Variants in BCAR1 observed in about 807,000 individuals in gnomAD.
BCAR1 encodes BCAR1 scaffold protein, Cas family member.
A neutral mutation model predicts 67.6 loss-of-function variants in BCAR1; 30 were observed. That is an observed-to-expected ratio of 0.44 (90% CI 0.33 to 0.60). The LOEUF is 0.60. BCAR1 is among the 20% of genes least tolerant of loss of function. BCAR1 has a pLI of 0.02. For synonymous variants in BCAR1, 626 were observed against 556.7 expected (o/e 1.12, Z -1.75); for missense variants, 1,313 against 1,222.3 (o/e 1.07, Z -1.11).
chr16:75,267,926 G>A, exon 1 of BCAR1: 5 of 1,602,676 alleles, frequency 3.1e-6, no homozygotes, highest in Non-Finnish European at 4.3e-6. Context: ...CTGAGGCAGG[G>A]ATCCTTGGGT....
At chr16:75,250,864 G>C in intron 1 of BCAR1, 1 of 985,492 alleles carries the variant, frequency 1.0e-6, no homozygotes, top group Non-Finnish European at 1.2e-6. Context: ...CGCTCGGCGT[G>C]CGGGGCTGCA....
intron 1 of BCAR1, among the ~76,000 whole-genome samples, chr16:75,257,311 C>T (rs193299985): frequency 2.6e-4 from 39 of 152,300 alleles, no homozygotes; most frequent in African/African-American, 9.4e-4. Context: ...GGCCCACACT[C>T]ACAGATACCC....
intron 6 of BCAR1, among the ~76,000 whole-genome samples, chr16:75,233,327 C>A (rs1045129214): frequency 6.6e-6 from 1 of 151,738 alleles, no homozygotes; most frequent in South Asian, 2.1e-4. Flanking sequence ...GAGTTGAGAT[C>A]GCATCACTGT....
At chr16:75,266,796 TG>T in intron 1 of BCAR1, 1 of 1,434,762 alleles carries the variant, frequency 7.0e-7, no homozygotes, top group Non-Finnish European at 9.3e-7. Context: ...CAAGTGGGGC[TG>T]GGGTCCAGAG....
chr16:75,251,575 C>CG lies in BCAR1; in HGVS notation c.-94dup, dbSNP rs2077681006. 1 of 1,078,210 alleles carries CG rather than the reference C, an allele frequency of 9.3e-7. No individual in the cohort carries two copies. Among genetic ancestry groups the CG allele is most frequent in the African/African-American group, 1.7e-5 (1 of 59,200 alleles). The allele number at this position is 1,078,210 out of a possible 1,614,324, so 66.8% of individuals were successfully genotyped here. On this transcript the variant is annotated 5_prime_UTR_variant, in exon 1 of 7. Coordinates refer to ENST00000162330, the MANE Select transcript of BCAR1 (RefSeq NM_014567.5). ...CTCGGGGCTCCGAGCGCGCCGCAGC[C>CG]GCCCCGGTGCCGCCGCGCAGCTGCC...
In BCAR1 at chr16:75,235,461, G is replaced by A. The variant is rs755023555; in HGVS notation, c.1438C>T (p.Leu480=). The A allele has an allele frequency of 6.2e-7, 1 of 1,606,852 alleles. No homozygotes were observed. Among genetic ancestry groups the A allele is most frequent in the Non-Finnish European group, 8.5e-7 (1 of 1,178,066 alleles). Residue 480 remains leucine (L), a synonymous_variant, in exon 5 of 7, where the codon CTG becomes TTG. Transcript: ENST00000162330. ...CCAGTCGCACCGGCGCTGCCTGCCA[G>A]GTCCAGAAGGTGGGCAACGGTGGCG... is the stretch of plus-strand genomic sequence containing the variant. ...VSATVAHLLD[L]AGSAGATGSW... is the part of the protein sequence containing the mutation.
intron 6 of BCAR1, among the ~76,000 whole-genome samples, chr16:75,233,022 G>A (rs2076954555): frequency 6.6e-6 from 1 of 152,038 alleles, no homozygotes; most frequent in Non-Finnish European, 1.5e-5. Flanking sequence ...CTGAAGAACT[G>A]ATTCAAAATA....
chr16:75,230,011 C>A lies in BCAR1; in HGVS notation c.2113G>T (p.Glu705Ter). ...CGTGACACCTCCTGTTCCAGTCGTT[C>A]AAACTGCTTCAGCTGGGGCAGGAGG... is the stretch of plus-strand genomic sequence containing the variant. ...QLELQQLKQF[E>*]RLEQEVSRPI... is the part of the protein sequence containing the mutation. Residue 705 changes from glutamate (E) to a stop codon, truncating the protein, a stop_gained, in exon 7 of 7, where the codon GAA becomes TAA. Transcript: ENST00000162330. LOFTEE classifies it high-confidence loss of function. 1 of 1,535,610 alleles carries A rather than the reference C, an allele frequency of 6.5e-7. No homozygotes were observed. Among genetic ancestry groups the A allele is most frequent in the South Asian group, 1.3e-5 (1 of 78,340 alleles).
Position 75,251,577 on chromosome 16 carries a change from C to T in BCAR1, c.-95G>A, listed in dbSNP as rs1314744937. On this transcript the variant is annotated 5_prime_UTR_variant, in exon 1 of 7. Coordinates refer to ENST00000162330, the MANE Select transcript of BCAR1 (RefSeq NM_014567.5). The stretch of plus-strand genomic sequence containing the variant: ...CGGGGCTCCGAGCGCGCCGCAGCCG[C>T]CCCGGTGCCGCCGCGCAGCTGCCGC... 1.9e-6 allele frequency: 2 copies of T among 1,072,828 alleles called. No individual in the cohort carries two copies. The highest frequency in any genetic ancestry group is 2.3e-6 in the Non-Finnish European group (2 of 888,166). 66.5% of individuals were successfully genotyped at this position (1,072,828 alleles called of 1,614,324 possible). A position where few individuals can be genotyped will look rare whatever the true frequency, so the allele number is the denominator to read the frequency against.
At chr16:75,239,441 T>C (rs1054352013) in intron 2 of BCAR1, among the ~76,000 whole-genome samples, 2 of 152,060 alleles carry the variant, frequency 1.3e-5, no homozygotes, top group Non-Finnish European at 2.9e-5. Context: ...CTATCAGGCA[T>C]CAAGCGGGGG....
upstream of BCAR1, among the ~76,000 whole-genome samples, chr16:75,255,364 C>T (rs915064693): frequency 1.3e-5 from 2 of 152,094 alleles, no homozygotes; most frequent in African/African-American, 4.8e-5. Context: ...CAGGAAGAAA[C>T]GGTATCTCTG....
intron 1 of BCAR1, chr16:75,264,293 C>T (rs937254466): frequency 2.8e-6 from 4 of 1,408,114 alleles, no homozygotes; most frequent in Middle Eastern, 2.2e-4. Context: ...CATAGAGGCC[C>T]GCCCAGGCTG....
chr16:75,245,226 C>T (rs925627979), intron 1 of BCAR1, among the ~76,000 whole-genome samples: 3 of 152,198 alleles, frequency 2.0e-5, no homozygotes, highest in Non-Finnish European at 2.9e-5. Context: ...CCATCGGGGG[C>T]GGGCCACCCT....
chr16:75,235,316 T>A lies in BCAR1; in HGVS notation c.1583A>T (p.Asn528Ile). 6.2e-7 allele frequency: 1 copy of A among 1,603,680 alleles called. No individual in the cohort carries two copies. The highest frequency in any genetic ancestry group is 8.5e-7 in the Non-Finnish European group (1 of 1,173,050). Residue 528 changes from asparagine (N) to isoleucine (I), a missense_variant, in exon 5 of 7, where the codon AAT becomes ATT. Asn to Ile is a moderately radical substitution (Grantham distance 149, BLOSUM62 -3). Transcript: ENST00000162330. ...LLEFARSAVG[N>I]AAHTSDRALH... ...GGCACGGTCAGATGTGTGGGCAGCA[T>A]TGCCCACCGCGCTGCGGGCAAACTC...
At chr16:75,262,048 G>A (rs542633305) in intron 1 of BCAR1, among the ~76,000 whole-genome samples, 4 of 152,318 alleles carry the variant, frequency 2.6e-5, no homozygotes, top group African/African-American at 9.6e-5. Flanking sequence ...GGCTCAGGGA[G>A]GTTCAGTAAC....
upstream of BCAR1, chr16:75,251,676 A>C (rs914290371): frequency 6.0e-6 from 6 of 995,248 alleles, no homozygotes; most frequent in Non-Finnish European, 7.2e-6. Context: ...CGATCCCAGC[A>C]TGCCCGGCCG....
At chr16:75,248,286 C>G (rs2077579691) in intron 1 of BCAR1, 2 of 1,428,570 alleles carry the variant, frequency 1.4e-6, no homozygotes, top group South Asian at 1.5e-5. Context: ...GCACCCGCCC[C>G]AGCACAGAGC....
intron 6 of BCAR1, among the ~76,000 whole-genome samples, chr16:75,231,866 T>C (rs1243922186): frequency 8.5e-5 from 13 of 152,226 alleles, no homozygotes; most frequent in African/African-American, 2.9e-4. Context: ...TAGACCTATA[T>C]ATTGTTGATA....
At chr16:75,236,111 C>T (rs1033030762) in intron 4 of BCAR1, 125 bp from the exon 5 acceptor site, 107 of 1,242,586 alleles carry the variant, frequency 8.6e-5, no homozygotes, top group Non-Finnish European at 1.0e-4. Context: ...CAGAGGCACG[C>T]GCACACACAC....
Sources: allele counts gnomAD v4.1 joint callset (sites outside exome capture counted in the v4.1 genomes callset), GRCh38; gene constraint gnomAD v4.1.1; transcripts MANE v1.5; gene names NCBI Gene and HGNC (gene_info 2026-07-23, HGNC 2026-07-21).